The following RPH3A variants were observed in gnomAD, a reference collection of about 807,000 sequenced individuals.
RPH3A encodes the protein rabphilin 3A, also known as rabphilin-3A.
Under a neutral mutation model 102.2 loss-of-function variants are expected in RPH3A, and 48 were observed. The ratio of observed to expected loss-of-function variants is 0.47; its 90% CI spans 0.37 to 0.60. The LOEUF is 0.60. Ranked by LOEUF, RPH3A falls within the 20% of genes least tolerant of loss-of-function variation. RPH3A has a pLI of 0.00. For synonymous variants in RPH3A, 310 were observed against 324.3 expected (o/e 0.96, Z 0.47); for missense variants, 781 against 910.1 (o/e 0.86, Z 1.83).
intron 1 of RPH3A, among the ~76,000 whole-genome samples, chr12:112,776,708 A>C (rs542536505): frequency 2.8e-4 from 43 of 151,992 alleles, no homozygotes; most frequent in African/African-American, 1.0e-3. Context: ...CCCCGTCTCT[A>C]CTGAAAATAC....
intron 1 of RPH3A, among the ~76,000 whole-genome samples, chr12:112,701,645 T>A (rs1054605572): frequency 1.3e-5 from 2 of 152,132 alleles, no homozygotes; most frequent in African/African-American, 4.8e-5. Flanking sequence ...GTGATAGAGA[T>A]GGTAAGATGT....
intron 2 of RPH3A, among the ~76,000 whole-genome samples, chr12:112,821,332 A>G (rs915638703): frequency 2.0e-5 from 3 of 152,242 alleles, no homozygotes; most frequent in African/African-American, 7.2e-5. Context: ...CTCAGCTTGC[A>G]TCACTGTTCA....
At chr12:112,678,519 T>G (rs1308503766) in intron 1 of RPH3A, among the ~76,000 whole-genome samples, 1 of 152,130 alleles carries the variant, frequency 6.6e-6, no homozygotes, top group African/African-American at 2.4e-5. Context: ...GCAGTCATAT[T>G]GACAACACCA....
At chr12:112,736,766 T>C (rs1431714862) in intron 1 of RPH3A, among the ~76,000 whole-genome samples, 1 of 152,172 alleles carries the variant, frequency 6.6e-6, no homozygotes, top group African/African-American at 2.4e-5. Context: ...GGCTTGCAAT[T>C]TGAGGGTAAC....
At chr12:112,670,394 G>C (rs570272344) in intron 1 of RPH3A, among the ~76,000 whole-genome samples, 2 of 152,186 alleles carry the variant, frequency 1.3e-5, no homozygotes, top group South Asian at 4.2e-4. Context: ...TTTTGGCCAG[G>C]CTGGTCTCGA....
chr12:112,753,353 G>T (rs2040798640), intron 1 of RPH3A, among the ~76,000 whole-genome samples: 1 of 152,206 alleles, frequency 6.6e-6, no homozygotes. Context: ...AGGAATGCCA[G>T]TTCTGTGCTG....
At position 112,897,752 on chromosome 12, in the gene RPH3A, T is replaced by C. The variant is rs2043207262; in HGVS notation, c.*972T>C. On this transcript the variant is annotated 3_prime_UTR_variant, in exon 22 of 22. Transcript: ENST00000389385. The stretch of plus-strand genomic sequence containing the variant: ...CTTCTTAACTGACCCACTCCTCCCG[T>C]TGGCAGAACCAGACATTCCCAGGGC... The C allele has an allele frequency of 6.6e-6, 1 of 152,376 alleles. No homozygotes were observed. Among genetic ancestry groups the C allele is most frequent in the African/African-American group, 2.4e-5 (1 of 41,470 alleles). The allele number at this position is 152,376 out of a possible 1,614,324, so 9.4% of individuals were successfully genotyped here. A position where few individuals can be genotyped will look rare whatever the true frequency, so the allele number is the denominator to read the frequency against.
intron 1 of RPH3A, among the ~76,000 whole-genome samples, chr12:112,599,298 G>A (rs766118761): frequency 6.6e-6 from 1 of 152,178 alleles, no homozygotes; most frequent in African/African-American, 2.4e-5. Flanking sequence ...TTGCATCCTA[G>A]AAAGAAGTTG....
chr12:112,745,294 CT>C (rs2040736899), intron 1 of RPH3A, among the ~76,000 whole-genome samples: 1 of 152,198 alleles, frequency 6.6e-6, no homozygotes, highest in Non-Finnish European at 1.5e-5. Context: ...AAGTTGATCA[CT>C]TATGGTTAAT....
At chr12:112,620,000 G>A (rs2039711080) in intron 1 of RPH3A, among the ~76,000 whole-genome samples, 1 of 152,166 alleles carries the variant, frequency 6.6e-6, no homozygotes, top group South Asian at 2.1e-4. Context: ...CTTCAGGTGT[G>A]GCTTGATCCA....
At chr12:112,729,337 A>T (rs968921721) in intron 1 of RPH3A, among the ~76,000 whole-genome samples, 1 of 152,072 alleles carries the variant, frequency 6.6e-6, no homozygotes, top group Non-Finnish European at 1.5e-5. Flanking sequence ...TAAGTGTGTC[A>T]TCAAGCCTGG....
At chr12:112,655,976 C>T (rs770839401) in intron 1 of RPH3A, among the ~76,000 whole-genome samples, 4 of 152,164 alleles carry the variant, frequency 2.6e-5, no homozygotes, top group Non-Finnish European at 5.9e-5. Context: ...GACATGCTTG[C>T]CTAGTGAGCA....
At chr12:112,585,111 A>G (rs1268484885) in intron 1 of RPH3A, among the ~76,000 whole-genome samples, 1 of 152,178 alleles carries the variant, frequency 6.6e-6, no homozygotes, top group East Asian at 1.9e-4. Flanking sequence ...GGAAGCATCC[A>G]GCAGGGGAGA....
chr12:112,700,352 T>A (rs1473643771), intron 1 of RPH3A, among the ~76,000 whole-genome samples: 2 of 152,210 alleles, frequency 1.3e-5, no homozygotes, highest in African/African-American at 4.8e-5. Flanking sequence ...AATATAATGA[T>A]TTTTAAGATA....
rs190406182 is a variant in RPH3A at position 112,871,800 on chromosome 12, C to T, written c.796+1761C>T. Among the ~76,000 whole-genome samples the T allele has an allele frequency of 1.5e-3, 221 of 147,312 alleles. 2 individuals carry two copies. In the Middle Eastern group the frequency reaches 0.018, roughly 12 times the overall value. On this transcript the variant is annotated intron_variant, in intron 10 of 21. Transcript: ENST00000389385. Reference sequence around the variant, plus strand: ...TATAAAATATACAATATACAGTATACGTTATATATTATATACATATAGTGT... The same window carrying T: ...TATAAAATATACAATATACAGTATATGTTATATATTATATACATATAGTGT...
intron 10 of RPH3A, 74 bp downstream of exon 10, chr12:112,870,113 T>C (rs761218739): frequency 5.0e-5 from 71 of 1,432,858 alleles, no homozygotes; most frequent in Non-Finnish European, 6.6e-5. Flanking sequence ...GAACTGTGTT[T>C]TTATTCATTT....
At position 112,691,031 on chromosome 12, in the gene RPH3A, CT is replaced by C. The variant is rs796633875; in HGVS notation, c.-139-101101del. 6.9e-3 allele frequency among the ~76,000 whole-genome samples: 1,021 copies of C among 147,416 alleles called. 13 individuals carry two copies. The highest frequency in any genetic ancestry group is 0.023 in the African/African-American group (936 of 40,580). On this transcript the variant is annotated intron_variant, in intron 1 of 21. Transcript: ENST00000543106. Reference sequence around the variant, plus strand: ...CCCCGCACTGAAATATCATGACCATCTTTTTTTTTTTGAGACGGAGTCTCGC... The same window carrying C: ...CCCCGCACTGAAATATCATGACCATCTTTTTTTTTTGAGACGGAGTCTCGC...
chr12:112,689,993 A>C (rs1246521601), intron 1 of RPH3A, among the ~76,000 whole-genome samples: 1 of 152,176 alleles, frequency 6.6e-6, no homozygotes, highest in Admixed American at 6.5e-5. Context: ...TGCTTTTCTG[A>C]AAAGTGAGGA....
intron 1 of RPH3A, among the ~76,000 whole-genome samples, chr12:112,605,197 A>G (rs1446878435): frequency 6.6e-6 from 1 of 152,188 alleles, no homozygotes; most frequent in East Asian, 1.9e-4. Context: ...CAATATGATG[A>G]AACCCCATCT....
Sources: gnomAD v4.1 joint callset for allele counts (sites outside exome capture counted in the v4.1 genomes callset) on GRCh38, gnomAD v4.1.1 for gene constraint, MANE v1.5 for transcripts, NCBI Gene and HGNC (gene_info 2026-07-23, HGNC 2026-07-21) for gene names.